Variants in CDIN1 observed in about 807,000 individuals in gnomAD.
The protein encoded by CDIN1 is CDAN1 interacting nuclease 1, also known as CDAN1-interacting nuclease 1.
Under a neutral mutation model 45.3 loss-of-function variants are expected in CDIN1, and 33 were observed. The observed-to-expected ratio is 0.73, with a 90% CI of 0.55 to 0.97. The LOEUF (loss-of-function observed/expected upper bound fraction) is 0.97, where lower values mean the gene tolerates loss of function less well. CDIN1 is among the 50% of genes least tolerant of loss of function. The probability of loss-of-function intolerance (pLI) is 0.00; values close to 1 mark genes in which losing one functional copy is unlikely to be tolerated. For synonymous variants in CDIN1, 118 were observed against 124.4 expected (o/e 0.95, Z 0.34); for missense variants, 303 against 339.4 (o/e 0.89, Z 0.84).
intron 7 of CDIN1, chr15:36,696,409 A>G (rs547877061): frequency 6.6e-6 from 1 of 152,348 alleles, no homozygotes; most frequent in South Asian, 2.1e-4. Context: ...TGGAAGTGAA[A>G]CAAAGAAGTT....
chr15:36,652,984 T>C (rs1382908807), intron 3 of CDIN1, among the ~76,000 whole-genome samples: 1 of 152,216 alleles, frequency 6.6e-6, no homozygotes, highest in Non-Finnish European at 1.5e-5. Flanking sequence ...TATTTAATTT[T>C]TCATTTGTTA....
chr15:36,684,110 T>C (rs2041954683), intron 5 of CDIN1, among the ~76,000 whole-genome samples: 1 of 151,692 alleles, frequency 6.6e-6, no homozygotes, highest in South Asian at 2.1e-4. Flanking sequence ...TCCAACACTA[T>C]GTTGAATAGC....
At chr15:36,665,605 C>T (rs1355485877) in intron 5 of CDIN1, among the ~76,000 whole-genome samples, 1 of 152,118 alleles carries the variant, frequency 6.6e-6, no homozygotes, top group Non-Finnish European at 1.5e-5. Context: ...AAAGAGATTG[C>T]AGGGTTTATC....
At chr15:36,620,389 A>T (rs1459772215) in intron 1 of CDIN1, among the ~76,000 whole-genome samples, 4 of 152,134 alleles carry the variant, frequency 2.6e-5, no homozygotes, top group African/African-American at 7.2e-5. Flanking sequence ...AAATAAATTG[A>T]AAATTATCTT....
At chr15:36,761,477 A>G (rs1422034248) in intron 10 of CDIN1, among the ~76,000 whole-genome samples, 10 of 152,290 alleles carry the variant, frequency 6.6e-5, no homozygotes, top group South Asian at 4.1e-4. Context: ...CAGCCAGCAG[A>G]TGATACGGTC....
Position 36,702,245 on chromosome 15 carries a change from G to T in CDIN1, c.544+4855G>T, listed in dbSNP as rs1198277593. The T allele has an allele frequency of 4.6e-6, 3 of 652,570 alleles. No individual in the cohort carries two copies. The African/African-American group carries it at 5.3e-5, about 12-fold the overall frequency. 40.4% of individuals were successfully genotyped at this position (652,570 alleles called of 1,614,324 possible). A position where few individuals can be genotyped will look rare whatever the true frequency, so the allele number is the denominator to read the frequency against. ...TAGAGTAACAGGAACATGAAATTGA[G>T]GGTGGGAGGTGGGGGATTTGGGCTC... On this transcript the variant is annotated intron_variant, in intron 8 of 10. Transcript: ENST00000566621.
intron 10 of CDIN1, among the ~76,000 whole-genome samples, chr15:36,730,711 G>A (rs2043803854): frequency 6.6e-6 from 1 of 151,956 alleles, no homozygotes; most frequent in South Asian, 2.1e-4. Context: ...CCCCACAAAT[G>A]TATTAATCTT....
intron 5 of CDIN1, among the ~76,000 whole-genome samples, chr15:36,674,751 G>A (rs190553297): frequency 8.3e-4 from 127 of 152,172 alleles, no homozygotes; most frequent in African/African-American, 2.9e-3. Context: ...GAAGTAATAT[G>A]TCTCTTGGCT....
intron 5 of CDIN1, among the ~76,000 whole-genome samples, chr15:36,667,767 T>C (rs1422823527): frequency 6.6e-6 from 1 of 152,196 alleles, no homozygotes; most frequent in Non-Finnish European, 1.5e-5. Context: ...TTGTTAATAC[T>C]ATTTTGCTTA....
intron 7 of CDIN1, among the ~76,000 whole-genome samples, chr15:36,693,991 TCAC>T (rs1452804552): frequency 6.6e-6 from 1 of 152,250 alleles, no homozygotes; most frequent in Non-Finnish European, 1.5e-5. Flanking sequence ...TAAATTACAT[TCAC>T]CGACTAGGTT....
intron 10 of CDIN1, among the ~76,000 whole-genome samples, chr15:36,748,479 A>G (rs1014749261): frequency 1.2e-4 from 18 of 151,988 alleles, no homozygotes; most frequent in Non-Finnish European, 1.8e-4. Flanking sequence ...TTGCCCAACA[A>G]AGTTTGCCTC....
At chr15:36,691,528 A>C (rs1252419351) in intron 5 of CDIN1, among the ~76,000 whole-genome samples, 157 bp from the exon 6 acceptor site, 2 of 152,062 alleles carry the variant, frequency 1.3e-5, no homozygotes, top group East Asian at 3.9e-4. Flanking sequence ...TGGTCTAATT[A>C]AAAGCTTCTG....
Position 36,702,876 on chromosome 15 carries a change from A to T in CDIN1, c.544+5486A>T, listed in dbSNP as rs1426251767. Reference sequence around the variant, plus strand: ...TCCTTAGAGTTTATAATCCCAGAGCAAAGTCAGTGATTCTCTTTTGCCACA... The same window carrying T: ...TCCTTAGAGTTTATAATCCCAGAGCTAAGTCAGTGATTCTCTTTTGCCACA... On this transcript the variant is annotated intron_variant, in intron 8 of 10. Transcript: ENST00000566621. Among the ~76,000 whole-genome samples, 3 of 151,924 alleles carry T rather than the reference A, an allele frequency of 2.0e-5. No homozygotes were observed. In the East Asian group the frequency reaches 5.9e-4, roughly 30 times the overall value.
At chr15:36,683,458 C>G (rs1249675538) in intron 5 of CDIN1, among the ~76,000 whole-genome samples, 1 of 63,500 alleles carries the variant, frequency 1.6e-5, no homozygotes, top group East Asian at 3.7e-4. Flanking sequence ...GGTACCAGTA[C>G]CATGCTGTTT....
rs372733133 is a variant in CDIN1 at position 36,712,427 on chromosome 15, G to A, written c.716+2466G>A. Among the ~76,000 whole-genome samples the A allele has an allele frequency of 1.8e-4, 28 of 151,756 alleles. No individual in the cohort carries two copies. In the East Asian group the frequency reaches 4.3e-3, roughly 23 times the overall value. Reference sequence around the variant, plus strand: ...ATTACAGGTGCCTCACACCACTCCCGGCTAATTTTTGTGTTTTTAGTAGAC... The same window carrying A: ...ATTACAGGTGCCTCACACCACTCCCAGCTAATTTTTGTGTTTTTAGTAGAC... On this transcript the variant is annotated intron_variant, in intron 10 of 10. Coordinates refer to ENST00000566621, the MANE Select transcript of CDIN1 (RefSeq NM_001321759.2).
intron 5 of CDIN1, among the ~76,000 whole-genome samples, chr15:36,662,854 GTTTTTTTTTT>G (rs34007525): frequency 8.1e-6 from 1 of 122,944 alleles, no homozygotes; most frequent in African/African-American, 3.1e-5. Context: ...TCAGATTTTA[GTTTTTTTTTT>G]TTTTTTTTTG....
At chr15:36,778,416 T>C (rs1212716416) in intron 10 of CDIN1, among the ~76,000 whole-genome samples, 3 of 152,242 alleles carry the variant, frequency 2.0e-5, no homozygotes, top group African/African-American at 7.2e-5. Context: ...ACAAACTTTT[T>C]CTTCTGTTTT....
At chr15:36,630,693 A>C (rs906505273) in intron 1 of CDIN1, among the ~76,000 whole-genome samples, 4 of 152,326 alleles carry the variant, frequency 2.6e-5, no homozygotes, top group East Asian at 1.9e-4. Context: ...CTTGGCTCAC[A>C]GTTCTACAAG....
rs564308516 is a variant in CDIN1 at position 36,602,128 on chromosome 15, G to C, written c.101+22167G>C. 9.8e-5 allele frequency among the ~76,000 whole-genome samples: 15 copies of C among 152,318 alleles called. No individual in the cohort carries two copies. The East Asian group carries it at 2.3e-3, about 24-fold the overall frequency. On this transcript the variant is annotated intron_variant, in intron 1 of 10. Transcript: ENST00000566621. ...GAATTCTTAAGCGTATGTGCTCAGC[G>C]TGAACGCTTCCAGCCACTCCAGTGG...
Sources: allele counts gnomAD v4.1 joint callset (sites outside exome capture counted in the v4.1 genomes callset), GRCh38; gene constraint gnomAD v4.1.1; transcripts MANE v1.5; gene names NCBI Gene and HGNC (gene_info 2026-07-23, HGNC 2026-07-21).